SHISA9: variants seen among roughly 807,000 people sequenced by gnomAD.
SHISA9 encodes shisa family member 9.
In SHISA9, 13 loss-of-function variants were observed where a neutral mutation model predicts 38.0. The observed-to-expected ratio is 0.34, with a 90% CI of 0.22 to 0.54. SHISA9 has a LOEUF of 0.54. Ranked by LOEUF, SHISA9 falls within the 20% of genes least tolerant of loss-of-function variation. The probability of loss-of-function intolerance (pLI) is 0.91; values close to 1 mark genes in which losing one functional copy is unlikely to be tolerated. For missense variants in SHISA9, 538 were observed against 575.8 expected, an observed-to-expected ratio of 0.93 and a Z score of 0.67; for synonymous variants, 275 against 242.0, an observed-to-expected ratio of 1.14 and a Z score of -1.27.
At chr16:13,191,896 A>G (rs1232235149) in intron 2 of SHISA9, among the ~76,000 whole-genome samples, 3 of 152,220 alleles carry the variant, frequency 2.0e-5, no homozygotes, top group Non-Finnish European at 4.4e-5. Context: ...CAGTACTTGT[A>G]TGTTCATCGC....
At chr16:13,447,995 A>G in the SHISA9 span, among the ~76,000 whole-genome samples, 1 of 152,234 alleles carries the variant, frequency 6.6e-6, no homozygotes, top group Non-Finnish European at 1.5e-5. Context: ...CCTGAAAAGG[A>G]AAACCATTTC....
At chr16:13,562,857 T>G in the SHISA9 span, 1 of 149,418 alleles carries the variant, frequency 6.7e-6, no homozygotes, top group Non-Finnish European at 1.5e-5. Flanking sequence ...AATATACTCA[T>G]AGAAATGCAC....
chr16:13,423,873 C>T, the SHISA9 span, among the ~76,000 whole-genome samples: 1 of 152,322 alleles, frequency 6.6e-6, no homozygotes, highest in South Asian at 2.1e-4. Context: ...CCACCTGCAT[C>T]CTTGCCACAT....
At chr16:13,278,990 G>A in the SHISA9 span, among the ~76,000 whole-genome samples, 1 of 151,898 alleles carries the variant, frequency 6.6e-6, no homozygotes, top group South Asian at 2.1e-4. Flanking sequence ...GTCCCTTGAG[G>A]TGTGACCTTA....
At chr16:12,984,580 G>A (rs1439210250) in intron 2 of SHISA9, among the ~76,000 whole-genome samples, 1 of 152,164 alleles carries the variant, frequency 6.6e-6, no homozygotes, top group Non-Finnish European at 1.5e-5. Flanking sequence ...GTGATCTTCA[G>A]AATATCAGGA....
At chr16:13,269,677 C>A in the SHISA9 span, among the ~76,000 whole-genome samples, 1 of 152,102 alleles carries the variant, frequency 6.6e-6, no homozygotes, top group Non-Finnish European at 1.5e-5. Flanking sequence ...GTGTTCTAGG[C>A]AGAGGAGACA....
chr16:12,978,326 T>C (rs1159137305), intron 2 of SHISA9, among the ~76,000 whole-genome samples: 3 of 152,232 alleles, frequency 2.0e-5, no homozygotes, highest in Non-Finnish European at 4.4e-5. Flanking sequence ...AGTGCAGCCC[T>C]GTTTCATCAA....
At chr16:13,499,469 C>T in the SHISA9 span, among the ~76,000 whole-genome samples, 1 of 152,098 alleles carries the variant, frequency 6.6e-6, no homozygotes, top group Non-Finnish European at 1.5e-5. Flanking sequence ...AATACCTCTA[C>T]AAATTGTGAG....
chr16:13,049,992 T>A (rs1410738898), intron 2 of SHISA9, among the ~76,000 whole-genome samples: 2 of 152,188 alleles, frequency 1.3e-5, no homozygotes, highest in Non-Finnish European at 2.9e-5. Context: ...GAGAAACAAC[T>A]TCTAGCAATT....
chr16:13,332,613 C>G, the SHISA9 span: 1 of 152,154 alleles, frequency 6.6e-6, no homozygotes, highest in Non-Finnish European at 1.5e-5. Context: ...TCCATCAGCA[C>G]AGCAAGGAAG....
chr16:13,417,983 T>A, the SHISA9 span, among the ~76,000 whole-genome samples: 1 of 152,248 alleles, frequency 6.6e-6, no homozygotes, highest in Non-Finnish European at 1.5e-5. Context: ...TTTTCTTGGT[T>A]GAAACCATGA....
chr16:13,559,559 T>TA, the SHISA9 span, among the ~76,000 whole-genome samples: 4 of 151,682 alleles, frequency 2.6e-5, no homozygotes, highest in African/African-American at 9.7e-5. Context: ...ATATATATAT[T>TA]TTTTCTAGAG....
At chr16:13,045,610 GA>G (rs2073178096) in intron 2 of SHISA9, among the ~76,000 whole-genome samples, 1 of 23,248 alleles carries the variant, frequency 4.3e-5, no homozygotes, top group Non-Finnish European at 1.5e-4. Context: ...GGGAGAGGGA[GA>G]GGGAGAGGGA....
intron 2 of SHISA9, among the ~76,000 whole-genome samples, chr16:12,963,960 T>A (rs888656985): frequency 1.4e-4 from 21 of 152,226 alleles, no homozygotes; most frequent in African/African-American, 5.1e-4. Context: ...TCAGAAGCCC[T>A]TCAAGTCATA....
At chr16:13,554,286 T>A in the SHISA9 span, among the ~76,000 whole-genome samples, 1 of 137,492 alleles carries the variant, frequency 7.3e-6, no homozygotes, top group Non-Finnish European at 1.5e-5. Context: ...GGAGATCTAG[T>A]TGCTAGAGAT....
intron 2 of SHISA9, among the ~76,000 whole-genome samples, chr16:13,153,291 C>A (rs1325127442): frequency 5.9e-5 from 9 of 151,794 alleles, no homozygotes; most frequent in Non-Finnish European, 7.4e-5. Context: ...ACAAAAAAAA[C>A]CACATGCCTA....
chr16:13,054,373 T>G (rs2073286842), intron 2 of SHISA9, among the ~76,000 whole-genome samples: 1 of 152,212 alleles, frequency 6.6e-6, no homozygotes, highest in African/African-American at 2.4e-5. Context: ...GTTACCCTCC[T>G]TCTTTCCCAT....
At chr16:13,109,324 C>G (rs188457085) in intron 2 of SHISA9, among the ~76,000 whole-genome samples, 5 of 152,274 alleles carry the variant, frequency 3.3e-5, no homozygotes, top group Admixed American at 3.3e-4. Context: ...CCATGCCCAG[C>G]TAAGATCCAC....
chr16:13,184,104 C>G (rs969430735), intron 2 of SHISA9, among the ~76,000 whole-genome samples: 16 of 152,078 alleles, frequency 1.1e-4, no homozygotes, highest in Non-Finnish European at 2.4e-4. Flanking sequence ...TTCTGTCCCT[C>G]CACTCCAAGA....
Sources: gnomAD v4.1 joint callset for allele counts (sites outside exome capture counted in the v4.1 genomes callset) on GRCh38, gnomAD v4.1.1 for gene constraint, MANE v1.5 for transcripts, NCBI Gene and HGNC (gene_info 2026-07-23, HGNC 2026-07-21) for gene names.